Variants in RNGTT observed in about 807,000 individuals in gnomAD.
RNGTT encodes RNA guanylyltransferase and 5'-phosphatase.
In RNGTT, 33 loss-of-function variants were observed where a neutral mutation model predicts 79.3. The ratio of observed to expected loss-of-function variants is 0.42; its 90% CI spans 0.32 to 0.56. The LOEUF is 0.56. Among genes scored for constraint, RNGTT ranks in the 20% least tolerant of loss-of-function variants. The probability of loss-of-function intolerance (pLI) is 0.17; values close to 1 mark genes in which losing one functional copy is unlikely to be tolerated. For missense variants in RNGTT, 497 were observed against 739.1 expected, an observed-to-expected ratio of 0.67 and a Z score of 3.80; for synonymous variants, 222 against 235.9, an observed-to-expected ratio of 0.94 and a Z score of 0.54.
chr6:88,743,291 GT>G (rs1177053218), intron 13 of RNGTT, among the ~76,000 whole-genome samples: 1 of 151,938 alleles, frequency 6.6e-6, no homozygotes, highest in African/African-American at 2.4e-5. Flanking sequence ...AAGTTTACTT[GT>G]TTTTTTCTCC....
intron 13 of RNGTT, among the ~76,000 whole-genome samples, chr6:88,756,444 G>C (rs1179741900): frequency 1.3e-5 from 2 of 152,182 alleles, no homozygotes; most frequent in African/African-American, 4.8e-5. Flanking sequence ...CTGCATGCCA[G>C]CCTGGGTGAC....
chr6:88,645,266 G>C (rs1452792180), intron 14 of RNGTT, among the ~76,000 whole-genome samples: 1 of 152,086 alleles, frequency 6.6e-6, no homozygotes, highest in African/African-American at 2.4e-5. Flanking sequence ...TGCTTCAAGA[G>C]AATAAAATAC....
chr6:88,945,034 C>T (rs773239318), intron 1 of RNGTT, among the ~76,000 whole-genome samples: 57 of 152,336 alleles, frequency 3.7e-4, no homozygotes, highest in African/African-American at 1.2e-3. Flanking sequence ...GGTCCATCCA[C>T]GGCCTTGGTA....
At chr6:88,894,579 G>T (rs1041115944) in intron 6 of RNGTT, among the ~76,000 whole-genome samples, 3 of 152,144 alleles carry the variant, frequency 2.0e-5, no homozygotes, top group Admixed American at 6.5e-5. Flanking sequence ...CAAGGCCTGA[G>T]TTGAAGGACC....
intron 13 of RNGTT, among the ~76,000 whole-genome samples, chr6:88,744,369 C>T (rs1032633473): frequency 5.3e-5 from 8 of 152,170 alleles, no homozygotes; most frequent in Non-Finnish European, 1.2e-4. Context: ...TTAAGCGATT[C>T]TCCCACCTCA....
At chr6:88,706,360 A>G (rs115423803) in intron 13 of RNGTT, among the ~76,000 whole-genome samples, 3,102 of 152,118 alleles carry the variant, frequency 0.02, 125 homozygotes, top group African/African-American at 0.069. Flanking sequence ...TTTTCAAGGT[A>G]TAATCTTTAC....
chr6:88,861,768 T>G (rs983005275), intron 8 of RNGTT, among the ~76,000 whole-genome samples: 15 of 152,138 alleles, frequency 9.9e-5, no homozygotes, highest in African/African-American at 3.4e-4. Context: ...TATATAATAG[T>G]CTCTATCTCC....
intron 12 of RNGTT, among the ~76,000 whole-genome samples, chr6:88,799,310 G>A (rs189649664): frequency 6.6e-6 from 1 of 152,248 alleles, no homozygotes; most frequent in East Asian, 1.9e-4. Flanking sequence ...AAACTTTCAC[G>A]TTAAACCAAT....
chr6:88,748,859 A>G (rs909861289), intron 13 of RNGTT, among the ~76,000 whole-genome samples: 3 of 152,212 alleles, frequency 2.0e-5, no homozygotes, highest in South Asian at 4.2e-4. Flanking sequence ...CACAAGCCTA[A>G]TAAGTTCCAG....
intron 4 of RNGTT, among the ~76,000 whole-genome samples, chr6:88,915,133 C>T (rs1783957421): frequency 6.6e-6 from 1 of 151,576 alleles, no homozygotes; most frequent in South Asian, 2.1e-4. Context: ...GCTGGAGAGG[C>T]TGCAGAGAAA....
chr6:88,727,331 T>C (rs59202356), intron 13 of RNGTT, among the ~76,000 whole-genome samples: 1 of 152,052 alleles, frequency 6.6e-6, no homozygotes, highest in African/African-American at 2.4e-5. Flanking sequence ...GGTTAAAAAA[T>C]TTTTTCTTTT....
chr6:88,929,961 CATATGTAT>C (rs1784444565), intron 2 of RNGTT, among the ~76,000 whole-genome samples: 4 of 147,936 alleles, frequency 2.7e-5, no homozygotes, highest in Non-Finnish European at 1.5e-5. Flanking sequence ...CACGTATATA[CATATGTAT>C]ACATGCATAT....
intron 11 of RNGTT, among the ~76,000 whole-genome samples, chr6:88,825,550 C>A (rs892558051): frequency 6.6e-6 from 1 of 152,130 alleles, no homozygotes; most frequent in East Asian, 1.9e-4. Context: ...ATAAATACAG[C>A]CTATTTTCCA....
chr6:88,675,051 T>G (rs1023409268), intron 14 of RNGTT, among the ~76,000 whole-genome samples: 1 of 151,428 alleles, frequency 6.6e-6, no homozygotes, highest in East Asian at 1.9e-4. Context: ...TGAGCCGAGA[T>G]TGTGCCACTG....
chr6:88,908,166 A>C (rs1457104648), intron 4 of RNGTT, among the ~76,000 whole-genome samples: 1 of 152,252 alleles, frequency 6.6e-6, no homozygotes, highest in East Asian at 1.9e-4. Flanking sequence ...AAAATACAGG[A>C]GTAAATCTTT....
In RNGTT at chr6:88,932,126, G is replaced by A. The variant is rs139648458; in HGVS notation, c.175-2859C>T. On this transcript the variant is annotated intron_variant, in intron 2 of 15. Coordinates refer to ENST00000369485, the MANE Select transcript of RNGTT (RefSeq NM_003800.5). ...AGGAATATTAATAATTAACAGCCCT[G>A]GGAAAAGAATGTATTCCCAGGAGTA... 7.6e-4 allele frequency among the ~76,000 whole-genome samples: 116 copies of A among 152,226 alleles called. No homozygotes were observed. The East Asian group carries it at 0.02, about 27-fold the overall frequency.
At chr6:88,612,943 G>T in intron 15 of RNGTT, 61 bp from the exon 16 acceptor site, 1 of 1,483,540 alleles carries the variant, frequency 6.7e-7, no homozygotes. Context: ...ACTCACCACA[G>T]GCTTATGAGA....
intron 11 of RNGTT, among the ~76,000 whole-genome samples, chr6:88,818,232 A>G (rs532658582): frequency 2.0e-5 from 3 of 152,202 alleles, no homozygotes; most frequent in Admixed American, 1.3e-4. Flanking sequence ...CATTTTTTGA[A>G]AGTCAGCATA....
chr6:88,808,955 T>TA (rs879329656), intron 11 of RNGTT, among the ~76,000 whole-genome samples: 105 of 140,320 alleles, frequency 7.5e-4, no homozygotes, highest in South Asian at 1.8e-3. Context: ...AGATCCCTCT[T>TA]AAAAAAAAAA....
Sources: gnomAD v4.1 joint callset for allele counts (sites outside exome capture counted in the v4.1 genomes callset) on GRCh38, gnomAD v4.1.1 for gene constraint, MANE v1.5 for transcripts, NCBI Gene and HGNC (gene_info 2026-07-23, HGNC 2026-07-21) for gene names.